Variants in CNTN4 observed in about 807,000 individuals in gnomAD.
CNTN4 encodes the protein contactin-4.
Under a neutral mutation model 122.5 loss-of-function variants are expected in CNTN4, and 77 were observed. That is an observed-to-expected ratio of 0.63 (90% CI 0.52 to 0.76). The LOEUF is 0.76. Ranked by LOEUF, CNTN4 falls within the 30% of genes least tolerant of loss-of-function variation. CNTN4 has a pLI of 0.00. For synonymous variants in CNTN4, 512 were observed against 447.0 expected (o/e 1.15, Z -1.83); for missense variants, 1,256 against 1,259.1 (o/e 1.00, Z 0.04).
rs1436443603 is a variant in CNTN4, at chr3:2,572,621, G to T, written c.55+1063G>T. On this transcript the variant is annotated intron_variant, in intron 4 of 24. Transcript: ENST00000418658. Reference sequence around the variant, plus strand: ...TTATTCAGAGTGTCAAGTCCAAGAGGGACACCTGAATATATTTGCATTTTT... The same window carrying T: ...TTATTCAGAGTGTCAAGTCCAAGAGTGACACCTGAATATATTTGCATTTTT... 2.6e-5 allele frequency among the ~76,000 whole-genome samples: 4 copies of T among 152,166 alleles called. No homozygotes were observed. The East Asian group carries it at 7.7e-4, about 29-fold the overall frequency.
chr3:2,573,873 C>G (rs1431780802), intron 4 of CNTN4, among the ~76,000 whole-genome samples: 1 of 152,076 alleles, frequency 6.6e-6, no homozygotes, highest in African/African-American at 2.4e-5. Flanking sequence ...TGCTATTTGT[C>G]TTGATTTCAT....
At chr3:2,487,453 C>T (rs1419405474) in intron 3 of CNTN4, among the ~76,000 whole-genome samples, 2 of 152,202 alleles carry the variant, frequency 1.3e-5, no homozygotes, top group Non-Finnish European at 2.9e-5. Flanking sequence ...TTTATCCTTC[C>T]ATCCACCCCA....
At chr3:2,117,039 T>G (rs2033401331) in intron 2 of CNTN4, among the ~76,000 whole-genome samples, 1 of 152,156 alleles carries the variant, frequency 6.6e-6, no homozygotes, top group Non-Finnish European at 1.5e-5. Flanking sequence ...TCTAATTCAG[T>G]TCAGTACTGA....
intron 2 of CNTN4, among the ~76,000 whole-genome samples, chr3:2,288,365 A>T (rs186254245): frequency 4.5e-4 from 69 of 152,172 alleles, no homozygotes; most frequent in African/African-American, 1.6e-3. Context: ...AGGAAGAGAG[A>T]TAGAGGGGAG....
chr3:2,867,561 A>G (rs1053432244), intron 8 of CNTN4, among the ~76,000 whole-genome samples: 5 of 152,166 alleles, frequency 3.3e-5, no homozygotes, highest in African/African-American at 1.2e-4. Flanking sequence ...TAGGAGTACC[A>G]TGCCCTTTCC....
intron 7 of CNTN4, among the ~76,000 whole-genome samples, chr3:2,840,670 G>A (rs999756573): frequency 6.7e-6 from 1 of 149,024 alleles, no homozygotes; most frequent in Non-Finnish European, 1.5e-5. Flanking sequence ...CTGCACTCCA[G>A]CCTGGGCGAC....
chr3:2,529,344 A>G (rs2077513509), intron 3 of CNTN4, among the ~76,000 whole-genome samples: 1 of 152,130 alleles, frequency 6.6e-6, no homozygotes, highest in Admixed American at 6.6e-5. Flanking sequence ...TTCTTCATCC[A>G]TTCATCTGTT....
At chr3:2,975,867 C>T (rs1294673517) in intron 13 of CNTN4, among the ~76,000 whole-genome samples, 1 of 152,030 alleles carries the variant, frequency 6.6e-6, no homozygotes, top group Non-Finnish European at 1.5e-5. Flanking sequence ...TATTACTTTC[C>T]TGTCCTTACC....
At chr3:2,585,853 A>T (rs1487485343) in intron 4 of CNTN4, among the ~76,000 whole-genome samples, 3 of 151,220 alleles carry the variant, frequency 2.0e-5, no homozygotes, top group African/African-American at 7.3e-5. Context: ...AAAAAAAAGA[A>T]AAGTAACCCA....
intron 6 of CNTN4, among the ~76,000 whole-genome samples, chr3:2,806,286 T>C (rs1398449952): frequency 6.6e-6 from 1 of 152,182 alleles, no homozygotes; most frequent in Non-Finnish European, 1.5e-5. Context: ...CACCTTACAG[T>C]AGAGCCACTG....
intron 3 of CNTN4, among the ~76,000 whole-genome samples, chr3:2,475,437 T>C (rs1040143697): frequency 4.6e-5 from 7 of 152,170 alleles, no homozygotes; most frequent in Non-Finnish European, 1.0e-4. Flanking sequence ...TCCAGTGAGC[T>C]TAGGAACCCA....
chr3:2,450,996 AG>A (rs1247465711), intron 3 of CNTN4, among the ~76,000 whole-genome samples: 1 of 152,152 alleles, frequency 6.6e-6, no homozygotes, highest in African/African-American at 2.4e-5. Flanking sequence ...GGAAGGGTGA[AG>A]GGGGGCCAAG....
intron 4 of CNTN4, among the ~76,000 whole-genome samples, chr3:2,735,268 G>A (rs753505101): frequency 5.2e-4 from 79 of 152,306 alleles, no homozygotes; most frequent in Non-Finnish European, 9.3e-4. Context: ...TTTGAAAAAC[G>A]AAAATCACTT....
At chr3:2,464,843 A>G (rs1453848158) in intron 3 of CNTN4, among the ~76,000 whole-genome samples, 1 of 152,158 alleles carries the variant, frequency 6.6e-6, no homozygotes, top group Non-Finnish European at 1.5e-5. Flanking sequence ...ACATTTATTG[A>G]ATCTCCTTCC....
At chr3:2,448,972 A>G (rs2048726548) in intron 3 of CNTN4, among the ~76,000 whole-genome samples, 2 of 152,188 alleles carry the variant, frequency 1.3e-5, no homozygotes, top group African/African-American at 4.8e-5. Flanking sequence ...TTAAATCTCC[A>G]ACCTAGCCCA....
intron 3 of CNTN4, among the ~76,000 whole-genome samples, chr3:2,426,868 G>C (rs2047856636): frequency 6.6e-6 from 1 of 152,108 alleles, no homozygotes; most frequent in Admixed American, 6.6e-5. Flanking sequence ...AGAAGTGTTT[G>C]TAGTATTCTC....
At chr3:2,476,056 A>T (rs114278207) in intron 3 of CNTN4, among the ~76,000 whole-genome samples, 3,292 of 152,318 alleles carry the variant, frequency 0.022, 109 homozygotes, top group African/African-American at 0.074. Flanking sequence ...AGCAGTCTAA[A>T]TTCACTCCAA....
chr3:2,375,431 C>T (rs1471807917), intron 3 of CNTN4, among the ~76,000 whole-genome samples: 3 of 152,090 alleles, frequency 2.0e-5, no homozygotes, highest in South Asian at 4.2e-4. Flanking sequence ...AAAGATATTA[C>T]GGTGGCCCTA....
At chr3:2,473,630 G>GA (rs1044507469) in intron 3 of CNTN4, among the ~76,000 whole-genome samples, 3 of 152,160 alleles carry the variant, frequency 2.0e-5, no homozygotes, top group African/African-American at 7.2e-5. Flanking sequence ...TGTCATTGCA[G>GA]AAAGTTCAGC....
Sources: allele counts gnomAD v4.1 joint callset (sites outside exome capture counted in the v4.1 genomes callset), GRCh38; gene constraint gnomAD v4.1.1; transcripts MANE v1.5; gene names NCBI Gene and HGNC (gene_info 2026-07-23, HGNC 2026-07-21).